Variants in SMAD2 observed in about 807,000 individuals in gnomAD.
SMAD2 encodes MAD homolog 2.
A neutral mutation model predicts 64.4 loss-of-function variants in SMAD2; 8 were observed. The observed-to-expected ratio is 0.12, with a 90% CI of 0.07 to 0.22. The LOEUF (loss-of-function observed/expected upper bound fraction) is 0.22, where lower values mean the gene tolerates loss of function less well. Among genes scored for constraint, SMAD2 ranks in the 10% least tolerant of loss-of-function variants. SMAD2 has a pLI of 1.00. For missense variants in SMAD2, 289 were observed against 561.2 expected (o/e 0.51, Z 4.90); for synonymous variants, 203 against 195.8 (o/e 1.04, Z -0.31).
chr18:47,892,847 T>A (rs2033262767), intron 2 of SMAD2, among the ~76,000 whole-genome samples: 1 of 152,210 alleles, frequency 6.6e-6, no homozygotes. Context: ...AAAGTCCTTT[T>A]AATTTATGCT....
chr18:47,866,574 T>C (rs2031576951), intron 5 of SMAD2, among the ~76,000 whole-genome samples: 2 of 152,250 alleles, frequency 1.3e-5, no homozygotes, highest in South Asian at 4.1e-4. Flanking sequence ...TAAACGGCGC[T>C]AAGCTTTTTG....
At position 47,833,834 on chromosome 18, in the gene SMAD2, CAAGAA is replaced by C. The variant is rs1372723872; in HGVS notation, c.*7988_*7992del. ...GCATCAAAGGCCATGTATTTCCTCA[CAAGAA>C]AAGAAATCTGCAACAATTGGTTTCC... On this transcript the variant is annotated 3_prime_UTR_variant, in exon 11 of 11. Coordinates refer to ENST00000262160, the MANE Select transcript of SMAD2 (RefSeq NM_005901.6). The C allele has an allele frequency of 3.0e-5, 7 of 230,644 alleles. No homozygotes were observed. Among genetic ancestry groups the C allele is most frequent in the Middle Eastern group, 1.3e-3 (1 of 774 alleles). The allele number at this position is 230,644 out of a possible 1,614,324, so 14.3% of individuals were successfully genotyped here.
Position 47,834,419 on chromosome 18 carries a change from T to C in SMAD2, c.*7408A>G. ...ATACAAAACTCTGCTAAAAGTTTTGTATCCAGGGAAAGTCCCGCATCCAGG... is the reference window on the plus strand; with the variant it reads ...ATACAAAACTCTGCTAAAAGTTTTGCATCCAGGGAAAGTCCCGCATCCAGG... On this transcript the variant is annotated 3_prime_UTR_variant, in exon 11 of 11. Transcript: ENST00000262160. 1 of 207,248 alleles carries C rather than the reference T, an allele frequency of 4.8e-6. No individual in the cohort carries two copies. The highest frequency in any genetic ancestry group is 9.9e-6 in the Non-Finnish European group (1 of 101,510). 12.8% of individuals were successfully genotyped at this position (207,248 alleles called of 1,614,324 possible).
Position 47,835,850 on chromosome 18 carries a change from T to A in SMAD2, c.*5977A>T. On this transcript the variant is annotated 3_prime_UTR_variant, in exon 11 of 11. Transcript: ENST00000262160. ...AAAAATAAGTAAATCAAAGAGCATA[T>A]TTGGAGAAACTAAGAGCTGTTAACT... is the stretch of plus-strand genomic sequence containing the variant. The A allele has an allele frequency of 5.0e-6, 1 of 200,738 alleles. No individual in the cohort carries two copies. Among genetic ancestry groups the A allele is most frequent in the East Asian group, 7.7e-5 (1 of 13,024 alleles). The allele number at this position is 200,738 out of a possible 1,614,324, so 12.4% of individuals were successfully genotyped here. A position where few individuals can be genotyped will look rare whatever the true frequency, so the allele number is the denominator to read the frequency against.
chr18:47,841,574 C>T lies in SMAD2; in HGVS notation c.*253G>A. 1.9e-6 allele frequency: 1 copy of T among 521,190 alleles called. No individual in the cohort carries two copies. The highest frequency in any genetic ancestry group is 2.1e-5 in the South Asian group (1 of 48,392). 32.3% of individuals were successfully genotyped at this position (521,190 alleles called of 1,614,324 possible). A position where few individuals can be genotyped will look rare whatever the true frequency, so the allele number is the denominator to read the frequency against. On this transcript the variant is annotated 3_prime_UTR_variant, in exon 11 of 11. Transcript: ENST00000262160. ...ACCTTTGGGACACTCAGTTTTATGCCCAATAAGACATCATTAAGTCTTTAA... is the reference window on the plus strand; with the variant it reads ...ACCTTTGGGACACTCAGTTTTATGCTCAATAAGACATCATTAAGTCTTTAA...
In SMAD2 at chr18:47,816,106, C is replaced by T. The variant is rs1037665896; in HGVS notation, c.*25721G>A. 1 of 152,078 alleles carries T rather than the reference C, an allele frequency of 6.6e-6. No individual in the cohort carries two copies. Among genetic ancestry groups the T allele is most frequent in the East Asian group, 1.9e-4 (1 of 5,186 alleles). The allele number at this position is 152,078 out of a possible 1,614,324, so 9.4% of individuals were successfully genotyped here. On this transcript the variant is annotated 3_prime_UTR_variant, in exon 11 of 11. Transcript: ENST00000262160. ...ACCTCATGTCTTGGCTTCTAGAGCC[C>T]GGAGATAAGATCAGCTTCCCTTGAA... is the stretch of plus-strand genomic sequence containing the variant.
At chr18:47,861,049 A>G (rs1398571060) in intron 6 of SMAD2, among the ~76,000 whole-genome samples, 4 of 152,058 alleles carry the variant, frequency 2.6e-5, no homozygotes, top group African/African-American at 7.2e-5. Flanking sequence ...AAGCATGAAG[A>G]CTGGGGAAAA....
intron 2 of SMAD2, among the ~76,000 whole-genome samples, chr18:47,891,812 G>C (rs893060878): frequency 4.0e-5 from 6 of 151,682 alleles, no homozygotes; most frequent in Admixed American, 1.3e-4. Context: ...GAATAGTCTT[G>C]TCATAAATAG....
chr18:47,826,062 C>T lies in SMAD2; in HGVS notation c.*15765G>A, dbSNP rs1013840659. On this transcript the variant is annotated 3_prime_UTR_variant, in exon 11 of 11. Transcript: ENST00000262160. ...TCAGCGTTTGGAGAGTGTTAACTTC[C>T]AGTCATGTGATAATGGCCAGGAGCA... 2.0e-5 allele frequency: 3 copies of T among 152,212 alleles called. No individual in the cohort carries two copies. Among genetic ancestry groups the T allele is most frequent in the African/African-American group, 7.2e-5 (3 of 41,436 alleles). The allele number at this position is 152,212 out of a possible 1,614,324, so 9.4% of individuals were successfully genotyped here.
chr18:47,889,166 C>A (rs2033061577), intron 2 of SMAD2, among the ~76,000 whole-genome samples: 1 of 151,968 alleles, frequency 6.6e-6, no homozygotes, highest in Non-Finnish European at 1.5e-5. Context: ...TGATTTTAGC[C>A]CAAGTACAAC....
At chr18:47,879,678 C>T (rs547121183) in intron 2 of SMAD2, among the ~76,000 whole-genome samples, 8 of 152,034 alleles carry the variant, frequency 5.3e-5, no homozygotes, top group East Asian at 1.9e-4. Flanking sequence ...AATATGATTT[C>T]TTTTTTTCTC....
chr18:47,851,584 T>C (rs143903353), intron 6 of SMAD2, among the ~76,000 whole-genome samples: 1 of 152,194 alleles, frequency 6.6e-6, no homozygotes, highest in African/African-American at 2.4e-5. Context: ...AGATATCTAA[T>C]ATTGACGGTT....
intron 1 of SMAD2, among the ~76,000 whole-genome samples, chr18:47,909,568 G>C (rs2034039845): frequency 6.6e-6 from 1 of 152,160 alleles, no homozygotes; most frequent in South Asian, 2.1e-4. Flanking sequence ...AGGTAGGAAA[G>C]GACAGGCTAA....
chr18:47,899,340 A>G (rs562632189), intron 1 of SMAD2, among the ~76,000 whole-genome samples: 3 of 152,286 alleles, frequency 2.0e-5, no homozygotes, highest in African/African-American at 4.8e-5. Context: ...TCAAACTGTC[A>G]TGTGGTAATG....
rs9956201 is a variant in SMAD2, at chr18:47,845,315, T to C, written c.1280+25A>G. ...GAAACATAATTACACTGTGGAAATTTAAGAACCAAATATGTATTTCATACC... is the reference window on the plus strand; with the variant it reads ...GAAACATAATTACACTGTGGAAATTCAAGAACCAAATATGTATTTCATACC... On this transcript the variant is annotated intron_variant, in intron 10 of 10. Transcript: ENST00000262160. 10,294 of 1,607,756 alleles carry C rather than the reference T, an allele frequency of 6.4e-3. 510 individuals carry two copies. In the African/African-American group the frequency reaches 0.12, roughly 19 times the overall value.
At chr18:47,893,516 A>G (rs1365407933) in intron 2 of SMAD2, among the ~76,000 whole-genome samples, 1 of 152,222 alleles carries the variant, frequency 6.6e-6, no homozygotes, top group African/African-American at 2.4e-5. Context: ...ATTTTACTTG[A>G]AATTCTGAGT....
At chr18:47,923,943 A>G (rs2034659724) in intron 1 of SMAD2, among the ~76,000 whole-genome samples, 1 of 152,132 alleles carries the variant, frequency 6.6e-6, no homozygotes, top group South Asian at 2.1e-4. Flanking sequence ...CTACAACCTA[A>G]CTACCTGTCT....
At chr18:47,849,629 C>T (rs1367861302) in intron 7 of SMAD2, among the ~76,000 whole-genome samples, 2 of 151,972 alleles carry the variant, frequency 1.3e-5, no homozygotes, top group Non-Finnish European at 2.9e-5. Context: ...CTTAAATTCA[C>T]GTCATCCTGT....
chr18:47,897,218 C>T (rs1312551075), intron 1 of SMAD2, among the ~76,000 whole-genome samples: 1 of 152,130 alleles, frequency 6.6e-6, no homozygotes, highest in Non-Finnish European at 1.5e-5. Context: ...CACTCTCCCC[C>T]GGGTTTTAAA....
Sources: allele counts gnomAD v4.1 joint callset (sites outside exome capture counted in the v4.1 genomes callset), GRCh38; gene constraint gnomAD v4.1.1; transcripts MANE v1.5; gene names NCBI Gene and HGNC (gene_info 2026-07-23, HGNC 2026-07-21).